SELENBP1: variants seen among roughly 807,000 people sequenced by gnomAD.
The protein encoded by SELENBP1 is methanethiol oxidase.
In SELENBP1, 71 loss-of-function variants were observed where a neutral mutation model predicts 61.0. The ratio of observed to expected loss-of-function variants is 1.16; its 90% CI spans 0.96 to 1.42. The LOEUF is 1.42. SELENBP1 is among the 40% of genes most tolerant of loss of function. SELENBP1 has a pLI of 0.00. For missense variants in SELENBP1, 561 were observed against 605.0 expected, an observed-to-expected ratio of 0.93 and a Z score of 0.76; for synonymous variants, 270 against 238.9, an observed-to-expected ratio of 1.13 and a Z score of -1.20.
At chr1:151,368,000 G>T (rs1217472352) in intron 5 of SELENBP1, among the ~76,000 whole-genome samples, 199 bp downstream of exon 5, 2 of 152,192 alleles carry the variant, frequency 1.3e-5, no homozygotes, top group Admixed American at 1.3e-4. Flanking sequence ...GAATTCATCA[G>T]TGAAGACTCA....
chr1:151,366,541 G>A, intron 6 of SELENBP1, 88 bp from the exon 7 acceptor site: 1 of 1,483,516 alleles, frequency 6.7e-7, no homozygotes, highest in Non-Finnish European at 9.2e-7. Flanking sequence ...AGGGCAGAAG[G>A]TTAAGAAATG....
chr1:151,370,656 A>G (rs1652094067), intron 1 of SELENBP1, among the ~76,000 whole-genome samples: 1 of 152,212 alleles, frequency 6.6e-6, no homozygotes. Flanking sequence ...GGGACATCAC[A>G]GCTACCAGCA....
chr1:151,368,245 C>A lies in SELENBP1; in HGVS notation c.435G>T (p.Gly145=). 1 of 1,614,144 alleles carries A rather than the reference C, an allele frequency of 6.2e-7. No homozygotes were observed. Among genetic ancestry groups the A allele is most frequent in the African/African-American group, 1.3e-5 (1 of 75,034 alleles). Residue 145 remains glycine, a synonymous_variant, in exon 5 of 12, where the codon GGG becomes GGT. Transcript: ENST00000368868. ...CTCCCAGGGAGCTGATCATCACTTC[C>A]CCGCTGGCCAGGCAGTGGCTGGTGT... is the stretch of plus-strand genomic sequence containing the variant. ...FLHTSHCLAS[G]EVMISSLGDV...
At chr1:151,368,706 T>C (rs1651980186) in intron 4 of SELENBP1, among the ~76,000 whole-genome samples, 1 of 152,154 alleles carries the variant, frequency 6.6e-6, no homozygotes, top group Non-Finnish European at 1.5e-5. Context: ...AGACCGGAAT[T>C]TTTAAGAGAA....
At position 151,369,168 on chromosome 1, in the gene SELENBP1, G is replaced by T. The variant is rs1252958169; in HGVS notation, c.196C>A (p.Pro66Thr). 6.2e-7 allele frequency: 1 copy of T among 1,611,888 alleles called. No homozygotes were observed. The highest frequency in any genetic ancestry group is 8.5e-7 in the Non-Finnish European group (1 of 1,178,314). The change falls in exon 4 of 12, where the codon CCC (proline) becomes ACC (threonine). Residue 66 changes from proline to threonine, a missense_variant. Transcript: ENST00000368868. ...YCQVIHRLPM[P>T]NLKDELHHSG... The stretch of plus-strand genomic sequence containing the variant: ...TGATGCAGCTCGTCCTTCAGGTTGG[G>T]CATGGGCAGCCGGTGGATGACCTAG...
rs115507791 is a variant in SELENBP1 at position 151,372,643 on chromosome 1, C to T, written c.-2G>A. The T allele has an allele frequency of 9.4e-4, 1,512 of 1,614,188 alleles. 8 individuals are homozygous for T. In the African/African-American group the frequency reaches 0.013, roughly 14 times the overall value. ...TTGGAAACCCCTCTCCTTACCCATG[C>T]TGCCGACTGGTACACTTTGATCCCG... On this transcript the variant is annotated 5_prime_UTR_variant, in exon 1 of 12. Transcript: ENST00000368868.
chr1:151,364,435 G>T lies in SELENBP1; in HGVS notation c.*108C>A, dbSNP rs1651685605. The T allele has an allele frequency of 1.0e-5, 14 of 1,335,080 alleles. No homozygotes were observed. The highest frequency in any genetic ancestry group is 2.6e-4 in the Middle Eastern group (1 of 3,858). 82.7% of individuals were successfully genotyped at this position (1,335,080 alleles called of 1,614,324 possible). Reference sequence around the variant, plus strand: ...ACATTGCCACAGTCTCAGCTTGGCTGTGTGGTACATGCTGCCAAGGGTCGG... The same window carrying T: ...ACATTGCCACAGTCTCAGCTTGGCTTTGTGGTACATGCTGCCAAGGGTCGG... On this transcript the variant is annotated 3_prime_UTR_variant, in exon 12 of 12. Coordinates refer to ENST00000368868, the MANE Select transcript of SELENBP1 (RefSeq NM_003944.4).
chr1:151,372,682 G>A lies in SELENBP1; in HGVS notation c.-41C>T, dbSNP rs567484849. On this transcript the variant is annotated 5_prime_UTR_variant, in exon 1 of 12. Transcript: ENST00000368868. ...ACTTTGATCCCGGCGGGTTTGCTGT[G>A]CTGGTGTCAGAGGCCGCTGTTCCGG... The A allele has an allele frequency of 1.2e-6, 2 of 1,614,060 alleles. No individual in the cohort carries two copies. The highest frequency in any genetic ancestry group is 2.2e-5 in the South Asian group (2 of 91,072).
Position 151,369,483 on chromosome 1 carries a change from C to G in SELENBP1, c.133G>C (p.Ala45Pro). The G allele has an allele frequency of 6.2e-7, 1 of 1,613,046 alleles. No individual in the cohort carries two copies. The highest frequency in any genetic ancestry group is 8.5e-7 in the Non-Finnish European group (1 of 1,179,618). The change falls in exon 3 of 12, where the codon GCC (alanine) becomes CCC (proline). Residue 45 changes from alanine (A) to proline (P), a missense_variant. Coordinates refer to ENST00000368868, the MANE Select transcript of SELENBP1 (RefSeq NM_003944.4). ...GACTTGGGGTCAACATCCACAGTGG[C>G]CAGATAATCTGGGGCCTCAGTGCCT... ...NTGTEAPDYLATVDVDPKSPQ... is the reference protein window; with the variant it reads ...NTGTEAPDYLPTVDVDPKSPQ...
chr1:151,365,620 A>G lies in SELENBP1; in HGVS notation c.987T>C (p.His329=), dbSNP rs1419871658. The change falls in exon 9 of 12, where the codon CAT becomes CAC. Residue 329 remains histidine (H), a synonymous_variant. Transcript: ENST00000368868. ...AGATGTCATACTGCCTCAGGTCCCC[A>G]TGCAGCCAGTTGCTGAAGTAGAGGA... ...DRFLYFSNWL[H]GDLRQYDISD... 9 of 1,614,006 alleles carry G rather than the reference A, an allele frequency of 5.6e-6. No individual in the cohort carries two copies. Among genetic ancestry groups the G allele is most frequent in the Admixed American group, 1.7e-5 (1 of 60,004 alleles).
intron 9 of SELENBP1, 67 bp downstream of exon 9, chr1:151,365,496 C>T: frequency 6.2e-7 from 1 of 1,605,794 alleles, no homozygotes; most frequent in Non-Finnish European, 8.5e-7. Flanking sequence ...TTCAGATCAT[C>T]CACCCCATCC....
Position 151,368,194 on chromosome 1 carries a change from G to T in SELENBP1, c.481+5C>A. On this transcript the variant is annotated splice_donor_5th_base_variant and intron_variant, in intron 5 of 11. Coordinates refer to ENST00000368868, the MANE Select transcript of SELENBP1 (RefSeq NM_003944.4). ...TTTTCATGAGCACACAGTGCTGGCAGGTACCTTTGCCATTGCCCTTGACGT... is the reference window on the plus strand; with the variant it reads ...TTTTCATGAGCACACAGTGCTGGCATGTACCTTTGCCATTGCCCTTGACGT... 6.2e-7 allele frequency: 1 copy of T among 1,613,892 alleles called. No homozygotes were observed. The highest frequency in any genetic ancestry group is 8.5e-7 in the Non-Finnish European group (1 of 1,179,896).
intron 3 of SELENBP1, 94 bp from the exon 4 acceptor site, chr1:151,369,283 G>A (rs559334935): frequency 2.8e-5 from 42 of 1,497,610 alleles, no homozygotes; most frequent in East Asian, 2.7e-4. Context: ...TTGGAAGCAC[G>A]GCACAGGCTG....
Position 151,368,243 on chromosome 1 carries a change from T to TC in SELENBP1, c.436dup (p.Glu146GlyfsTer44). ...GTCTCCCAGGGAGCTGATCATCACT[T>TC]CCCCGCTGGCCAGGCAGTGGCTGGT... On this transcript the variant is annotated frameshift_variant, in exon 5 of 12. Coordinates refer to ENST00000368868, the MANE Select transcript of SELENBP1 (RefSeq NM_003944.4). LOFTEE classifies it high-confidence loss of function. The TC allele has an allele frequency of 6.2e-7, 1 of 1,614,104 alleles. No homozygotes were observed. Among genetic ancestry groups the TC allele is most frequent in the East Asian group, 2.2e-5 (1 of 44,876 alleles).
In SELENBP1 at chr1:151,364,699, G is replaced by T; in HGVS notation, c.1263C>A (p.Gly421=). ...KQFYPDLIRE[G]SVMLQVDVDT... Reference sequence around the variant, plus strand: ...CTACATCAACCTGCAGCATCACAGAGCCTTCCCTGGTGGAAAAGGGAATGG... The same window carrying T: ...CTACATCAACCTGCAGCATCACAGATCCTTCCCTGGTGGAAAAGGGAATGG... The change falls in exon 12 of 12, where the codon GGC becomes GGA. Residue 421 remains glycine (G), a synonymous_variant. Coordinates refer to ENST00000368868, the MANE Select transcript of SELENBP1 (RefSeq NM_003944.4). The T allele has an allele frequency of 6.3e-7, 1 of 1,580,196 alleles. No individual in the cohort carries two copies. Among genetic ancestry groups the T allele is most frequent in the Middle Eastern group, 1.7e-4 (1 of 5,874 alleles).
chr1:151,365,903 T>C, intron 7 of SELENBP1, 57 bp from the exon 8 acceptor site: 1 of 1,588,130 alleles, frequency 6.3e-7, no homozygotes, highest in African/African-American at 1.3e-5. Context: ...CTATCAGAAT[T>C]GGGGACTAGG....
chr1:151,367,075 G>A, intron 5 of SELENBP1, 171 bp from the exon 6 acceptor site: 23 of 1,415,176 alleles, frequency 1.6e-5, no homozygotes, highest in Non-Finnish European at 2.0e-5. Flanking sequence ...GGGAAGAGTG[G>A]CTCATGCCAG....
rs528316081 is a variant in SELENBP1 at position 151,369,131 on chromosome 1, T to A, written c.233A>T (p.Asn78Ile). ...LKDELHHSGW[N>I]TCSSCFGDST... ...ATCACCGAAGCAGCTGCTGCAGGTGTTCCATCCTGAGTGATGCAGCTCGTC... is the reference window on the plus strand; with the variant it reads ...ATCACCGAAGCAGCTGCTGCAGGTGATCCATCCTGAGTGATGCAGCTCGTC... The change falls in exon 4 of 12, where the codon AAC (asparagine) becomes ATC (isoleucine). Residue 78 changes from asparagine (N) to isoleucine (I), a missense_variant. Physicochemically the swap from Asn to Ile is moderately radical, Grantham distance 149 (BLOSUM62 -3). Transcript: ENST00000368868. The A allele has an allele frequency of 2.5e-6, 4 of 1,614,016 alleles. No individual in the cohort carries two copies. In the East Asian group the frequency reaches 6.7e-5, roughly 27 times the overall value.
chr1:151,364,462 T>G lies in SELENBP1; in HGVS notation c.*81A>C. The G allele has an allele frequency of 3.2e-6, 5 of 1,561,968 alleles. No homozygotes were observed. In the South Asian group the frequency reaches 4.5e-5, roughly 14 times the overall value. ...GTGGTACATGCTGCCAAGGGTCGGG[T>G]GCCAAGAGAGAGCAGAATGAAGCCA... On this transcript the variant is annotated 3_prime_UTR_variant, in exon 12 of 12. Transcript: ENST00000368868.
Sources: allele counts gnomAD v4.1 joint callset (sites outside exome capture counted in the v4.1 genomes callset), GRCh38; gene constraint gnomAD v4.1.1; transcripts MANE v1.5; gene names NCBI Gene and HGNC (gene_info 2026-07-23, HGNC 2026-07-21).